The following NMT2 variants were observed in gnomAD, a reference collection of about 807,000 sequenced individuals.
The protein encoded by NMT2 is N-myristoyltransferase 2, also known as glycylpeptide N-tetradecanoyltransferase 2.
NMT2 carries 35 observed loss-of-function variants against 65.4 expected under a neutral mutation model. The ratio of observed to expected loss-of-function variants is 0.54; its 90% CI spans 0.41 to 0.71. The LOEUF is 0.71. NMT2 is among the 30% of genes least tolerant of loss of function. The pLI is 0.00. For synonymous variants in NMT2, 226 were observed against 231.8 expected (o/e 0.98, Z 0.23); for missense variants, 489 against 611.3 (o/e 0.80, Z 2.11).
At chr10:15,115,624 G>A (rs183408642) in intron 9 of NMT2, among the ~76,000 whole-genome samples, 8 of 152,192 alleles carry the variant, frequency 5.3e-5, no homozygotes, top group Middle Eastern at 3.4e-3. Flanking sequence ...TTATGTAAGT[G>A]GTCTAAATAC....
rs747710177 is a variant in NMT2, at chr10:15,155,035, T to G, written c.110+13468A>C. ...GGACCTGTATGCTTCATGGACAAGA[T>G]GCCAGGACCTGTATGCTTCAGAATG... On this transcript the variant is annotated intron_variant, in intron 1 of 11. Coordinates refer to ENST00000378165, the MANE Select transcript of NMT2 (RefSeq NM_004808.3). The G allele has an allele frequency of 1.1e-5, 13 of 1,226,878 alleles. No homozygotes were observed. The East Asian group carries it at 2.8e-4, about 26-fold the overall frequency. The allele number at this position is 1,226,878 out of a possible 1,614,324, so 76.0% of individuals were successfully genotyped here.
chr10:15,153,009 C>T (rs1025616413), intron 1 of NMT2, among the ~76,000 whole-genome samples: 6 of 152,204 alleles, frequency 3.9e-5, no homozygotes, highest in Middle Eastern at 6.8e-3. Context: ...TTCAATGCTA[C>T]AATATACAGC....
intron 2 of NMT2, among the ~76,000 whole-genome samples, chr10:15,140,591 C>T (rs534722154): frequency 9.8e-4 from 149 of 151,694 alleles, no homozygotes; most frequent in African/African-American, 3.4e-3. Flanking sequence ...GATCATAACT[C>T]ACTGCAGCCT....
chr10:15,158,893 G>A (rs1833093099), intron 1 of NMT2, among the ~76,000 whole-genome samples: 1 of 152,094 alleles, frequency 6.6e-6, no homozygotes, highest in African/African-American at 2.4e-5. Context: ...TCCGATTCAT[G>A]GGGACTCCAC....
chr10:15,105,990 C>G lies in NMT2; in HGVS notation c.*3205G>C, dbSNP rs1049218219. On this transcript the variant is annotated 3_prime_UTR_variant, in exon 12 of 12. Coordinates refer to ENST00000378165, the MANE Select transcript of NMT2 (RefSeq NM_004808.3). Reference sequence around the variant, plus strand: ...ATGACAAAGTTTCCAACTGGCAATGCTGCAGTTATTTATTTTACTTTCGAG... The same window carrying G: ...ATGACAAAGTTTCCAACTGGCAATGGTGCAGTTATTTATTTTACTTTCGAG... 7.2e-6 allele frequency: 3 copies of G among 415,982 alleles called. No homozygotes were observed. The highest frequency in any genetic ancestry group is 6.4e-5 in the African/African-American group (3 of 47,000). 25.8% of individuals were successfully genotyped at this position (415,982 alleles called of 1,614,324 possible).
intron 1 of NMT2, among the ~76,000 whole-genome samples, chr10:15,160,757 GAGT>G (rs1833160359): frequency 6.6e-6 from 1 of 151,952 alleles, no homozygotes; most frequent in South Asian, 2.1e-4. Context: ...CTGGGCAACA[GAGT>G]AAGACTCCAT....
chr10:15,146,208 C>T (rs1026597696), intron 1 of NMT2, among the ~76,000 whole-genome samples: 13 of 152,182 alleles, frequency 8.5e-5, no homozygotes, highest in African/African-American at 3.1e-4. Flanking sequence ...CAGAGAGAAT[C>T]AGTGGCACAT....
chr10:15,146,999 G>A (rs1846985506), intron 1 of NMT2, among the ~76,000 whole-genome samples: 2 of 150,632 alleles, frequency 1.3e-5, no homozygotes, highest in South Asian at 4.2e-4. Context: ...AGGCTGGGGT[G>A]GGAGGATCAC....
At chr10:15,132,351 T>C (rs1846314513) in intron 6 of NMT2, among the ~76,000 whole-genome samples, 1 of 151,930 alleles carries the variant, frequency 6.6e-6, no homozygotes, top group Non-Finnish European at 1.5e-5. Flanking sequence ...AATCAGAGAG[T>C]TTCCATAAAG....
At chr10:15,161,100 A>AAAAAAAAAAAAAC in intron 1 of NMT2, among the ~76,000 whole-genome samples, 2 of 149,238 alleles carry the variant, frequency 1.3e-5, no homozygotes, top group African/African-American at 2.5e-5. Context: ...AAAAAAAAAA[A>AAAAAAAAAAAAAC]AAAAAAAAAA....
At chr10:15,151,832 C>G (rs1832815604) in intron 1 of NMT2, among the ~76,000 whole-genome samples, 3 of 151,976 alleles carry the variant, frequency 2.0e-5, no homozygotes, top group South Asian at 2.1e-4. Flanking sequence ...CAAGACCAGC[C>G]TGGCCAACAT....
At chr10:15,117,197 C>T (rs1264405834) in intron 9 of NMT2, among the ~76,000 whole-genome samples, 1 of 152,132 alleles carries the variant, frequency 6.6e-6, no homozygotes, top group Admixed American at 6.5e-5. Flanking sequence ...TAATTATACA[C>T]CCTGACCAAG....
chr10:15,132,814 T>C lies in NMT2; in HGVS notation c.719+3A>G. 6.3e-7 allele frequency: 1 copy of C among 1,588,604 alleles called. No homozygotes were observed. The highest frequency in any genetic ancestry group is 8.6e-7 in the Non-Finnish European group (1 of 1,160,852). On this transcript the variant is annotated splice_donor_region_variant and intron_variant, in intron 6 of 11. Coordinates refer to ENST00000378165, the MANE Select transcript of NMT2 (RefSeq NM_004808.3). ...AACCGCATGGACGAGCTTAAACATG[T>C]ACCTGTCATAAATCCGAATGTTTGC...
intron 7 of NMT2, among the ~76,000 whole-genome samples, chr10:15,128,754 C>T (rs1846180151): frequency 6.6e-6 from 1 of 152,168 alleles, no homozygotes; most frequent in Admixed American, 6.5e-5. Context: ...CCTGTAATCC[C>T]AGCACTTTGG....
At chr10:15,128,020 A>G (rs1291920961) in intron 8 of NMT2, among the ~76,000 whole-genome samples, 1 of 152,198 alleles carries the variant, frequency 6.6e-6, no homozygotes, top group Non-Finnish European at 1.5e-5. Context: ...CTGAGTTCCA[A>G]CGCATTAAGA....
At chr10:15,135,553 A>G in intron 2 of NMT2, 135 bp from the exon 3 acceptor site, 1 of 846,488 alleles carries the variant, frequency 1.2e-6, no homozygotes, top group Non-Finnish European at 1.9e-6. Flanking sequence ...AGTCAAGGCC[A>G]TGGGCTTGTG....
intron 1 of NMT2, among the ~76,000 whole-genome samples, chr10:15,149,592 T>A (rs1190171005): frequency 7.4e-6 from 1 of 134,976 alleles, no homozygotes; most frequent in African/African-American, 2.8e-5. Flanking sequence ...ACCACCATCA[T>A]CACCATCACC....
intron 2 of NMT2, chr10:15,140,867 T>C (rs1482675729): frequency 1.1e-6 from 1 of 927,010 alleles, no homozygotes; most frequent in Non-Finnish European, 1.7e-6. Context: ...GGGGCCCAGC[T>C]GGACAACTTC....
intron 1 of NMT2, among the ~76,000 whole-genome samples, chr10:15,147,095 CAAAAAAAAAAAAAAAAAAAAA>C (rs34668178): frequency 4.0e-4 from 18 of 44,518 alleles, no homozygotes; most frequent in Non-Finnish European, 5.6e-4. Context: ...CTCTCGCTCT[CAAAAAAAAAAAAAAAAAAAAA>C]AAAAAAAAAA....
Sources: gnomAD v4.1 joint callset for allele counts (sites outside exome capture counted in the v4.1 genomes callset) on GRCh38, gnomAD v4.1.1 for gene constraint, MANE v1.5 for transcripts, NCBI Gene and HGNC (gene_info 2026-07-23, HGNC 2026-07-21) for gene names.